The following RIC1 variants were observed in gnomAD, a reference collection of about 807,000 sequenced individuals.
RIC1 encodes guanine nucleotide exchange factor subunit RIC1.
In RIC1, 88 loss-of-function variants were observed where a neutral mutation model predicts 169.0. The observed-to-expected ratio is 0.52, with a 90% CI of 0.44 to 0.62. The LOEUF (loss-of-function observed/expected upper bound fraction) is 0.62. RIC1 is among the 20% of genes least tolerant of loss of function. The probability of loss-of-function intolerance (pLI) is 0.00; values close to 1 mark genes in which losing one functional copy is unlikely to be tolerated. For synonymous variants in RIC1, 790 were observed against 601.5 expected (o/e 1.31, Z -4.59); for missense variants, 1,877 against 1,725.5 (o/e 1.09, Z -1.56).
At chr9:5,634,423 C>T (rs1026438215) in intron 1 of RIC1, among the ~76,000 whole-genome samples, 9 of 152,176 alleles carry the variant, frequency 5.9e-5, no homozygotes, top group Non-Finnish European at 1.3e-4. Flanking sequence ...AATAGATATC[C>T]TAACAGGTGT....
intron 2 of RIC1, among the ~76,000 whole-genome samples, chr9:5,657,967 C>A (rs1819203833): frequency 6.6e-6 from 1 of 152,132 alleles, no homozygotes; most frequent in Admixed American, 6.6e-5. Flanking sequence ...TAACTTCTTT[C>A]AAGCTACAAT....
At chr9:5,747,535 C>T (rs1303572833) in intron 12 of RIC1, 30 bp downstream of exon 12, 4 of 1,543,698 alleles carry the variant, frequency 2.6e-6, no homozygotes, top group Non-Finnish European at 2.7e-6. Context: ...TTACTAGAGA[C>T]TTATTCTTTG....
chr9:5,710,370 C>T lies in RIC1; in HGVS notation c.333-3526C>T, dbSNP rs1586992846. Reference sequence around the variant, plus strand: ...CTAAAGTTGTCATAGTGCCTCTTTACCCTGCTTGGCTCCAGACTTCTGTCT... The same window carrying T: ...CTAAAGTTGTCATAGTGCCTCTTTATCCTGCTTGGCTCCAGACTTCTGTCT... On this transcript the variant is annotated intron_variant, in intron 3 of 25. Coordinates refer to ENST00000414202, the MANE Select transcript of RIC1 (RefSeq NM_020829.4). Among the ~76,000 whole-genome samples the T allele has an allele frequency of 2.0e-5, 3 of 152,284 alleles. 1 individual carries two copies. The highest frequency in any genetic ancestry group is 4.1e-4 in the South Asian group (2 of 4,820).
At chr9:5,744,975 C>T (rs981802522) in intron 10 of RIC1, among the ~76,000 whole-genome samples, 2 of 152,066 alleles carry the variant, frequency 1.3e-5, no homozygotes, top group African/African-American at 2.4e-5. Context: ...GAATTAAAAC[C>T]GCCATGGTTG....
chr9:5,778,395 G>C (rs2146710), downstream of RIC1, among the ~76,000 whole-genome samples: 69,513 of 151,916 alleles, frequency 0.46, 16,904 homozygotes, highest in African/African-American at 0.62. Flanking sequence ...TCTTTCTCCT[G>C]CCAAACGGTC....
chr9:5,666,699 T>C (rs1819787765), intron 2 of RIC1, among the ~76,000 whole-genome samples: 2 of 152,238 alleles, frequency 1.3e-5, no homozygotes, highest in African/African-American at 4.8e-5. Context: ...TTTTCCTACA[T>C]TGAATCATCC....
chr9:5,634,967 T>C (rs1218065497), intron 1 of RIC1, among the ~76,000 whole-genome samples: 3 of 152,184 alleles, frequency 2.0e-5, no homozygotes, highest in Non-Finnish European at 2.9e-5. Context: ...TGTTGTACTA[T>C]CAAATACTAG....
intron 4 of RIC1, among the ~76,000 whole-genome samples, chr9:5,715,901 G>A (rs915846579): frequency 7.5e-5 from 11 of 147,064 alleles, no homozygotes; most frequent in African/African-American, 2.7e-4. Flanking sequence ...ACAGCTAATT[G>A]CAGCGGCATG....
chr9:5,696,409 C>CT (rs1213792632), intron 3 of RIC1, among the ~76,000 whole-genome samples: 2 of 152,076 alleles, frequency 1.3e-5, no homozygotes, highest in Non-Finnish European at 2.9e-5. Flanking sequence ...CCCCTGCTAT[C>CT]TTTTTTTATG....
At chr9:5,749,392 G>A (rs771571215) in intron 12 of RIC1, among the ~76,000 whole-genome samples, 23 of 152,120 alleles carry the variant, frequency 1.5e-4, no homozygotes, top group Non-Finnish European at 1.2e-4. Flanking sequence ...AAACTTTTAC[G>A]TTCTAGGCTT....
chr9:5,768,604 TCTATC>T (rs1247951244), intron 21 of RIC1, among the ~76,000 whole-genome samples: 3 of 152,216 alleles, frequency 2.0e-5, no homozygotes, highest in African/African-American at 4.8e-5. Flanking sequence ...ACTTTGCCTC[TCTATC>T]CTTAGTTTCT....
intron 9 of RIC1, 48 bp from the exon 10 acceptor site, chr9:5,743,641 A>G: frequency 7.1e-7 from 1 of 1,403,424 alleles, no homozygotes; most frequent in Non-Finnish European, 9.9e-7. Context: ...TATGTGTATT[A>G]TATGTAATTG....
intron 1 of RIC1, among the ~76,000 whole-genome samples, chr9:5,635,788 C>G (rs1817944525): frequency 6.6e-6 from 1 of 152,186 alleles, no homozygotes. Context: ...AAGTGTTTGA[C>G]TGTTCCTTCT....
chr9:5,723,374 C>G (rs903837564), intron 6 of RIC1, among the ~76,000 whole-genome samples: 1 of 152,172 alleles, frequency 6.6e-6, no homozygotes, highest in African/African-American at 2.4e-5. Flanking sequence ...AGTGTCTGTT[C>G]ATAGCCTTCG....
chr9:5,654,153 C>T (rs932436214), intron 1 of RIC1, among the ~76,000 whole-genome samples: 3 of 152,118 alleles, frequency 2.0e-5, no homozygotes, highest in Admixed American at 6.5e-5. Context: ...TGTGTGCCAC[C>T]ATGCCCAGCT....
chr9:5,687,769 T>A (rs556622735), intron 2 of RIC1, among the ~76,000 whole-genome samples: 1 of 152,308 alleles, frequency 6.6e-6, no homozygotes, highest in South Asian at 2.1e-4. Flanking sequence ...TTAAAGAAAT[T>A]TAAGTGAAGC....
chr9:5,722,719 C>G, intron 6 of RIC1, among the ~76,000 whole-genome samples: 1 of 152,136 alleles, frequency 6.6e-6, no homozygotes. Context: ...CGCCCCACCC[C>G]ACGACAGGCC....
At chr9:5,675,685 A>G (rs1473928492) in intron 2 of RIC1, among the ~76,000 whole-genome samples, 1 of 151,064 alleles carries the variant, frequency 6.6e-6, no homozygotes, top group East Asian at 1.9e-4. Flanking sequence ...TGTACTGTCT[A>G]GTGGGAATTT....
chr9:5,735,782 T>C (rs1047210134), intron 7 of RIC1, among the ~76,000 whole-genome samples: 11 of 152,210 alleles, frequency 7.2e-5, no homozygotes, highest in Admixed American at 7.2e-4. Flanking sequence ...AACCTAAATA[T>C]TTAAAGGTAT....
Sources: gnomAD v4.1 joint callset for allele counts (sites outside exome capture counted in the v4.1 genomes callset) on GRCh38, gnomAD v4.1.1 for gene constraint, MANE v1.5 for transcripts, NCBI Gene and HGNC (gene_info 2026-07-23, HGNC 2026-07-21) for gene names.